Variants in JAZF1 observed in about 807,000 individuals in gnomAD.
JAZF1 encodes juxtaposed with another zinc finger protein 1.
A neutral mutation model predicts 26.4 loss-of-function variants in JAZF1; 8 were observed. That is an observed-to-expected ratio of 0.30 (90% confidence interval 0.18 to 0.55). The LOEUF (loss-of-function observed/expected upper bound fraction) is 0.55, where lower values mean the gene tolerates loss of function less well. Ranked by LOEUF, JAZF1 falls within the 20% of genes least tolerant of loss-of-function variation. The pLI is 0.94. For missense variants in JAZF1, 199 were observed against 322.0 expected, an observed-to-expected ratio of 0.62 and a Z score of 2.92; for synonymous variants, 126 against 122.3, an observed-to-expected ratio of 1.03 and a Z score of -0.20.
rs561323996 is a variant in JAZF1, at chr7:28,113,457, C to T, written c.115+67006G>A. On this transcript the variant is annotated intron_variant, in intron 1 of 4. Transcript: ENST00000283928. ...CTCACTCACCACAGTCTGCCCACTACGAAAGGACATACTCCTCTCTGACCT... is the reference window on the plus strand; with the variant it reads ...CTCACTCACCACAGTCTGCCCACTATGAAAGGACATACTCCTCTCTGACCT... Among the ~76,000 whole-genome samples the T allele has an allele frequency of 4.9e-4, 74 of 152,306 alleles. No homozygotes were observed. The South Asian group carries it at 0.013, about 27-fold the overall frequency.
chr7:27,882,953 CTGTT>C (rs1250355653), intron 3 of JAZF1, among the ~76,000 whole-genome samples: 2 of 152,218 alleles, frequency 1.3e-5, no homozygotes, highest in African/African-American at 4.8e-5. Context: ...TCTCGGGCGT[CTGTT>C]TGTTTATTCA....
At chr7:28,171,005 C>T (rs568900200) in intron 1 of JAZF1, among the ~76,000 whole-genome samples, 1 of 152,204 alleles carries the variant, frequency 6.6e-6, no homozygotes, top group South Asian at 2.1e-4. Flanking sequence ...TCTCGGGATC[C>T]CCCCAAATAA....
In JAZF1 at chr7:27,895,345, G is replaced by A; in HGVS notation, c.260C>T (p.Thr87Ile). ...CCCTCGAGACACTGAGCTGGACAGAGTCAGCGAGAGCTTCGGCTGAATCTT... is the reference window on the plus strand; with the variant it reads ...CCCTCGAGACACTGAGCTGGACAGAATCAGCGAGAGCTTCGGCTGAATCTT... ...KKKIQPKLSL[T>I]LSSSVSRGNV... Residue 87 changes from threonine to isoleucine, a missense_variant, in exon 3 of 5, where the codon ACT (threonine) becomes ATT (isoleucine). Transcript: ENST00000283928. 6.2e-7 allele frequency: 1 copy of A among 1,610,338 alleles called. No homozygotes were observed. The highest frequency in any genetic ancestry group is 8.5e-7 in the Non-Finnish European group (1 of 1,178,348).
At chr7:27,859,076 C>G (rs1783328012) in intron 3 of JAZF1, among the ~76,000 whole-genome samples, 1 of 152,154 alleles carries the variant, frequency 6.6e-6, no homozygotes, top group African/African-American at 2.4e-5. Context: ...GATATGAACA[C>G]ACTTCTCAAA....
At chr7:27,891,990 AT>A (rs1783982623) in intron 3 of JAZF1, among the ~76,000 whole-genome samples, 1 of 152,248 alleles carries the variant, frequency 6.6e-6, no homozygotes, top group Non-Finnish European at 1.5e-5. Context: ...TTCCTACAAG[AT>A]GACTATTACT....
chr7:28,142,537 A>G (rs1446873216), intron 1 of JAZF1, among the ~76,000 whole-genome samples: 1 of 152,142 alleles, frequency 6.6e-6, no homozygotes, highest in African/African-American at 2.4e-5. Flanking sequence ...GTACTTCCCA[A>G]ATACTCAAGG....
At chr7:27,972,781 T>A (rs1165121610) in intron 2 of JAZF1, among the ~76,000 whole-genome samples, 1 of 152,052 alleles carries the variant, frequency 6.6e-6, no homozygotes, top group Non-Finnish European at 1.5e-5. Flanking sequence ...CTTAGATCTA[T>A]CTCTATTGAC....
intron 1 of JAZF1, among the ~76,000 whole-genome samples, chr7:28,103,616 A>G (rs1402557901): frequency 6.6e-6 from 1 of 152,100 alleles, no homozygotes; most frequent in Non-Finnish European, 1.5e-5. Flanking sequence ...AAATCCTTCC[A>G]GTTGTTCAGG....
intron 2 of JAZF1, among the ~76,000 whole-genome samples, chr7:27,897,323 T>C (rs556336697): frequency 8.5e-5 from 13 of 152,198 alleles, no homozygotes; most frequent in Non-Finnish European, 1.6e-4. Context: ...GTTAAGAGCA[T>C]GGTATTTGGA....
At chr7:28,165,019 A>T (rs752587874) in intron 1 of JAZF1, among the ~76,000 whole-genome samples, 5 of 152,036 alleles carry the variant, frequency 3.3e-5, no homozygotes, top group Non-Finnish European at 5.9e-5. Context: ...AAATATAAAA[A>T]TCAGTCAGGT....
At chr7:27,834,977 G>A (rs1304765811) in intron 4 of JAZF1, among the ~76,000 whole-genome samples, 1 of 152,226 alleles carries the variant, frequency 6.6e-6, no homozygotes, top group East Asian at 1.9e-4. Context: ...GGTTACAAAT[G>A]CTAGAAATGT....
intron 1 of JAZF1, among the ~76,000 whole-genome samples, chr7:28,065,210 A>G (rs1215034427): frequency 6.6e-6 from 1 of 152,170 alleles, no homozygotes; most frequent in Non-Finnish European, 1.5e-5. Flanking sequence ...GGTTTTAAAT[A>G]GGAGAGGACA....
chr7:27,999,853 C>G (rs1276029478), intron 1 of JAZF1, among the ~76,000 whole-genome samples: 1 of 152,168 alleles, frequency 6.6e-6, no homozygotes, highest in South Asian at 2.1e-4. Flanking sequence ...AAAACAGGCC[C>G]ATGGTAAATG....
intron 1 of JAZF1, among the ~76,000 whole-genome samples, chr7:28,167,024 A>G (rs965376419): frequency 6.6e-6 from 1 of 152,234 alleles, no homozygotes; most frequent in Non-Finnish European, 1.5e-5. Context: ...TGGATGCAAA[A>G]AAAAGGTAAA....
chr7:28,009,383 A>AT (rs534330461), intron 1 of JAZF1, among the ~76,000 whole-genome samples: 255 of 152,250 alleles, frequency 1.7e-3, no homozygotes, highest in African/African-American at 6.0e-3. Flanking sequence ...TAAGACATAC[A>AT]TTTTAAATCA....
intron 1 of JAZF1, among the ~76,000 whole-genome samples, chr7:28,086,546 T>G (rs544924526): frequency 2.0e-5 from 3 of 152,226 alleles, no homozygotes; most frequent in Non-Finnish European, 4.4e-5. Context: ...CACATATACA[T>G]GTGCACACAC....
At chr7:27,852,985 T>C (rs1181257949) in intron 3 of JAZF1, among the ~76,000 whole-genome samples, 2 of 152,236 alleles carry the variant, frequency 1.3e-5, no homozygotes, top group Non-Finnish European at 2.9e-5. Flanking sequence ...TATAATTGCA[T>C]GCAGTAAGAA....
At chr7:27,921,813 C>T (rs1784534217) in intron 2 of JAZF1, among the ~76,000 whole-genome samples, 1 of 152,154 alleles carries the variant, frequency 6.6e-6, no homozygotes, top group African/African-American at 2.4e-5. Context: ...GGTAGGACTG[C>T]TCGAGACCAG....
At chr7:28,116,830 C>G (rs1305778532) in intron 1 of JAZF1, among the ~76,000 whole-genome samples, 1 of 151,914 alleles carries the variant, frequency 6.6e-6, no homozygotes, top group Non-Finnish European at 1.5e-5. Context: ...TTTTCTTTTT[C>G]TTTTTTCTTT....
Sources: allele counts gnomAD v4.1 joint callset (sites outside exome capture counted in the v4.1 genomes callset), GRCh38; gene constraint gnomAD v4.1.1; transcripts MANE v1.5; gene names NCBI Gene and HGNC (gene_info 2026-07-23, HGNC 2026-07-21).